SLC24A2: variants seen among roughly 807,000 people sequenced by gnomAD.
The protein encoded by SLC24A2 is sodium/potassium/calcium exchanger 2.
Under a neutral mutation model 62.0 loss-of-function variants are expected in SLC24A2, and 36 were observed. That is an observed-to-expected ratio of 0.58 (90% confidence interval 0.44 to 0.77). SLC24A2 has a LOEUF of 0.77. Among genes scored for constraint, SLC24A2 ranks in the 30% least tolerant of loss-of-function variants. The pLI, the probability that SLC24A2 is intolerant of heterozygous loss-of-function variation, is 0.00. For synonymous variants in SLC24A2, 358 were observed against 294.0 expected (o/e 1.22, Z -2.23); for missense variants, 846 against 817.9 (o/e 1.03, Z -0.42).
At chr9:19,994,739 G>T in the SLC24A2 span, among the ~76,000 whole-genome samples, 2 of 152,174 alleles carry the variant, frequency 1.3e-5, no homozygotes, top group African/African-American at 4.8e-5. Flanking sequence ...AGATAGTGTG[G>T]CTTCATGCAC....
intron 2 of SLC24A2, among the ~76,000 whole-genome samples, chr9:19,749,202 C>T (rs1564078825): frequency 6.6e-6 from 1 of 151,552 alleles, no homozygotes; most frequent in Non-Finnish European, 1.5e-5. Flanking sequence ...TCTCTTGAAT[C>T]CTCAGCAAAA....
the SLC24A2 span, among the ~76,000 whole-genome samples, chr9:20,098,780 GAT>G: frequency 6.6e-6 from 1 of 152,208 alleles, no homozygotes; most frequent in African/African-American, 2.4e-5. Flanking sequence ...CGAAGGGAAA[GAT>G]ATGGTTAAAT....
chr9:19,771,832 T>C (rs1313216635), intron 2 of SLC24A2, among the ~76,000 whole-genome samples: 3 of 152,172 alleles, frequency 2.0e-5, no homozygotes, highest in African/African-American at 4.8e-5. Context: ...TTACCGTATA[T>C]ATGGAGCTTC....
chr9:19,770,348 A>G (rs1822647885), intron 2 of SLC24A2, among the ~76,000 whole-genome samples: 1 of 152,074 alleles, frequency 6.6e-6, no homozygotes, highest in Admixed American at 6.5e-5. Flanking sequence ...ACCCAAATAT[A>G]GTTTGCCAGA....
chr9:20,244,510 A>G, the SLC24A2 span, among the ~76,000 whole-genome samples: 2 of 152,300 alleles, frequency 1.3e-5, no homozygotes, highest in African/African-American at 2.4e-5. Context: ...TGTCAGATTT[A>G]TGCTTGCCTT....
At chr9:20,146,293 G>C in the SLC24A2 span, among the ~76,000 whole-genome samples, 3 of 152,142 alleles carry the variant, frequency 2.0e-5, no homozygotes, top group Non-Finnish European at 2.9e-5. Context: ...GGTTCTGTCT[G>C]AGTCGTGTTG....
intron 2 of SLC24A2, among the ~76,000 whole-genome samples, chr9:19,706,794 G>A (rs566485290): frequency 1.3e-5 from 2 of 152,180 alleles, no homozygotes; most frequent in African/African-American, 4.8e-5. Context: ...ATGCCCACAA[G>A]AGAAAGCAGG....
At chr9:20,229,421 G>A in the SLC24A2 span, among the ~76,000 whole-genome samples, 1 of 152,190 alleles carries the variant, frequency 6.6e-6, no homozygotes, top group South Asian at 2.1e-4. Flanking sequence ...TGCCTGGTCT[G>A]TGTTAAACAC....
chr9:19,726,756 A>G (rs933867061), intron 2 of SLC24A2, among the ~76,000 whole-genome samples: 2 of 152,194 alleles, frequency 1.3e-5, no homozygotes, highest in African/African-American at 4.8e-5. Context: ...CAGTTTACCA[A>G]CTGTTCTATA....
At chr9:19,729,581 C>A (rs1287942430) in intron 2 of SLC24A2, among the ~76,000 whole-genome samples, 2 of 152,062 alleles carry the variant, frequency 1.3e-5, no homozygotes, top group African/African-American at 4.8e-5. Flanking sequence ...GTGGATGGAA[C>A]TTGAGGATAA....
At chr9:20,255,251 A>G in the SLC24A2 span, among the ~76,000 whole-genome samples, 763 of 152,344 alleles carry the variant, frequency 5.0e-3, 6 homozygotes, top group African/African-American at 0.018. Context: ...TGCACTGGTA[A>G]TGACTGCCTA....
intron 7 of SLC24A2, among the ~76,000 whole-genome samples, chr9:19,559,602 T>C (rs1364962806): frequency 1.3e-5 from 2 of 152,320 alleles, no homozygotes; most frequent in African/African-American, 2.4e-5. Flanking sequence ...CAAAAGTGCA[T>C]AGTCACACTT....
At chr9:20,103,826 G>A in the SLC24A2 span, among the ~76,000 whole-genome samples, 1 of 152,064 alleles carries the variant, frequency 6.6e-6, no homozygotes, top group South Asian at 2.1e-4. Flanking sequence ...TTCCTCACCA[G>A]CAACGGAACA....
At chr9:20,307,675 T>G in the SLC24A2 span, among the ~76,000 whole-genome samples, 2 of 152,182 alleles carry the variant, frequency 1.3e-5, no homozygotes, top group African/African-American at 4.8e-5. Context: ...TGACTTTCTA[T>G]AGTTGGCTCG....
chr9:20,135,625 T>G, the SLC24A2 span, among the ~76,000 whole-genome samples: 11 of 152,114 alleles, frequency 7.2e-5, no homozygotes, highest in Non-Finnish European at 1.6e-4. Flanking sequence ...TAAACAATCA[T>G]GTCTCCCCTT....
the SLC24A2 span, among the ~76,000 whole-genome samples, chr9:20,239,877 CTT>C: frequency 5.6e-3 from 805 of 143,998 alleles, 6 homozygotes; most frequent in African/African-American, 0.016. Context: ...TGCCTTCTGG[CTT>C]TTTTTTTTTT....
chr9:20,268,582 C>G, the SLC24A2 span, among the ~76,000 whole-genome samples: 16 of 152,202 alleles, frequency 1.1e-4, no homozygotes, highest in African/African-American at 3.9e-4. Context: ...CTCTCAGAGT[C>G]TCCACCAGCA....
chr9:20,190,397 T>G, the SLC24A2 span, among the ~76,000 whole-genome samples: 3 of 152,198 alleles, frequency 2.0e-5, no homozygotes, highest in Non-Finnish European at 4.4e-5. Context: ...AATTAAAAAT[T>G]TTTAATCATC....
At chr9:19,636,598 C>G (rs146543889) in intron 2 of SLC24A2, among the ~76,000 whole-genome samples, 3 of 151,554 alleles carry the variant, frequency 2.0e-5, no homozygotes, top group Admixed American at 2.0e-4. Context: ...ACTTGCCCAG[C>G]TAATTTTCGT....
Sources: allele counts gnomAD v4.1 joint callset (sites outside exome capture counted in the v4.1 genomes callset), GRCh38; gene constraint gnomAD v4.1.1; transcripts MANE v1.5; gene names NCBI Gene and HGNC (gene_info 2026-07-23, HGNC 2026-07-21).